The following WDR64 variants were observed in gnomAD, a reference collection of about 807,000 sequenced individuals.
WDR64 encodes WD repeat-containing protein 64.
WDR64 carries 112 observed loss-of-function variants against 139.3 expected under a neutral mutation model. That is an observed-to-expected ratio of 0.80 (90% CI 0.69 to 0.94). The LOEUF (loss-of-function observed/expected upper bound fraction) is 0.94. WDR64 is among the 40% of genes least tolerant of loss of function. The pLI is 0.00. For missense variants in WDR64, 1,206 were observed against 1,293.1 expected (o/e 0.93, Z 1.03); for synonymous variants, 444 against 437.7 (o/e 1.01, Z -0.18).
Position 241,652,610 on chromosome 1 carries a change from C to T in WDR64, c.126C>T (p.Gly42=), listed in dbSNP as rs760839116. Residue 42 remains glycine, a synonymous_variant, in exon 1 of 28, where the codon GGC becomes GGT. Coordinates refer to ENST00000437684, the MANE Select transcript of WDR64 (RefSeq NM_001367482.1). ...CCCAGAAAAGAGATGAAAGAGCAGG[C>T]TTATTTATCCATAAAGAAGGTAAGA... ...TAAQKRDERA[G]LFIHKEDAIG... 2.5e-5 allele frequency: 39 copies of T among 1,551,558 alleles called. No homozygotes were observed. In the South Asian group the frequency reaches 4.4e-4, roughly 18 times the overall value.
intron 10 of WDR64, among the ~76,000 whole-genome samples, chr1:241,726,369 A>G (rs1318519157): frequency 1.3e-5 from 2 of 152,090 alleles, no homozygotes; most frequent in African/African-American, 2.4e-5. Flanking sequence ...CAGGAGTTCA[A>G]GACCAGCCTG....
At chr1:241,750,751 A>G (rs563090021) in intron 14 of WDR64, among the ~76,000 whole-genome samples, 83 of 152,336 alleles carry the variant, frequency 5.4e-4, no homozygotes, top group South Asian at 8.3e-4. Flanking sequence ...TAGAACCTGC[A>G]GATTGATCTT....
chr1:241,687,588 GA>G lies in WDR64; in HGVS notation c.968del (p.Asp323ValfsTer25). 1 of 1,612,790 alleles carries G rather than the reference GA, an allele frequency of 6.2e-7. No individual in the cohort carries two copies. The highest frequency in any genetic ancestry group is 2.2e-5 in the East Asian group (1 of 44,812). ...LVLESLKRLE[D>X]NLPVREFSMP... ...TTTGGAATCCTTGAAGAGACTCGAG[GA>G]TAATTTGTAAGTATAGTAATTTATA... On this transcript the variant is annotated frameshift_variant, in exon 8 of 28. Coordinates refer to ENST00000437684, the MANE Select transcript of WDR64 (RefSeq NM_001367482.1). LOFTEE classifies it high-confidence loss of function.
chr1:241,687,414 GT>G (rs1431501775), intron 7 of WDR64, 46 bp from the exon 8 acceptor site: 1 of 1,602,226 alleles, frequency 6.2e-7, no homozygotes. Context: ...CATATTATAC[GT>G]TTGTGTGTCT....
intron 13 of WDR64, among the ~76,000 whole-genome samples, chr1:241,746,282 G>A (rs1466209093): frequency 3.3e-5 from 5 of 152,160 alleles, no homozygotes; most frequent in South Asian, 2.1e-4. Context: ...AAGGAGGAGA[G>A]GAAAAGACCT....
intron 3 of WDR64, among the ~76,000 whole-genome samples, chr1:241,671,826 C>G (rs1407316897): frequency 6.6e-6 from 1 of 152,118 alleles, no homozygotes; most frequent in Non-Finnish European, 1.5e-5. Flanking sequence ...CTCCTGTCTT[C>G]CAGCATTTCC....
At chr1:241,700,240 ATTC>A (rs904265783) in intron 8 of WDR64, among the ~76,000 whole-genome samples, 36 of 149,566 alleles carry the variant, frequency 2.4e-4, no homozygotes, top group African/African-American at 8.6e-4. Flanking sequence ...CCTCTCCTTT[ATTC>A]TTCTCATCCA....
intron 1 of WDR64, among the ~76,000 whole-genome samples, chr1:241,660,226 T>G (rs868014621): frequency 6.6e-6 from 1 of 152,310 alleles, no homozygotes; most frequent in South Asian, 2.1e-4. Flanking sequence ...TCGTTGTAGG[T>G]GTGCAGTCTT....
At chr1:241,738,520 C>T (rs1669413946) in intron 11 of WDR64, 31 bp downstream of exon 11, 1 of 1,580,904 alleles carries the variant, frequency 6.3e-7, no homozygotes, top group Admixed American at 1.8e-5. Context: ...TCAAACGAAA[C>T]TCATGTCTTG....
chr1:241,778,808 T>G (rs1658749935), intron 21 of WDR64, among the ~76,000 whole-genome samples: 1 of 152,208 alleles, frequency 6.6e-6, no homozygotes, highest in African/African-American at 2.4e-5. Context: ...GTCTCTCTTT[T>G]ATCTCCTGTA....
intron 11 of WDR64, among the ~76,000 whole-genome samples, chr1:241,740,314 C>T (rs1669487700): frequency 6.6e-6 from 1 of 152,200 alleles, no homozygotes; most frequent in South Asian, 2.1e-4. Context: ...CAGTTACTGT[C>T]ACTGTAATGA....
At chr1:241,714,448 T>C (rs1668322941) in intron 9 of WDR64, among the ~76,000 whole-genome samples, 1 of 152,194 alleles carries the variant, frequency 6.6e-6, no homozygotes, top group Non-Finnish European at 1.5e-5. Context: ...TTCAAATTTC[T>C]CACTCTCAAA....
intron 3 of WDR64, among the ~76,000 whole-genome samples, chr1:241,673,896 C>T (rs1245269349): frequency 6.6e-6 from 1 of 151,620 alleles, no homozygotes; most frequent in Non-Finnish European, 1.5e-5. Context: ...TATTGAAAAG[C>T]CTGAGATGGT....
intron 12 of WDR64, among the ~76,000 whole-genome samples, chr1:241,743,029 T>C (rs1669608534): frequency 6.6e-6 from 1 of 152,228 alleles, no homozygotes; most frequent in Non-Finnish European, 1.5e-5. Context: ...CTCTGACTTC[T>C]GTGATCGTTT....
chr1:241,709,304 T>C (rs1284894837), intron 8 of WDR64, among the ~76,000 whole-genome samples: 1 of 152,194 alleles, frequency 6.6e-6, no homozygotes, highest in South Asian at 2.1e-4. Flanking sequence ...TTCCTTCATA[T>C]TGAGAAATAT....
At chr1:241,799,202 CAAAAAAAAAAA>C in intron 27 of WDR64, among the ~76,000 whole-genome samples, 1 of 33,328 alleles carries the variant, frequency 3.0e-5, no homozygotes, top group East Asian at 8.7e-4. Context: ...TTTGTCTCTC[CAAAAAAAAAAA>C]AAAAAAAAAA....
At chr1:241,679,427 A>G in intron 5 of WDR64, 58 bp from the exon 6 acceptor site, 1 of 1,437,010 alleles carries the variant, frequency 7.0e-7, no homozygotes, top group Non-Finnish European at 9.6e-7. Flanking sequence ...TTTGGTGACC[A>G]TCACCAGGTC....
At chr1:241,673,719 C>T (rs1666335813) in intron 3 of WDR64, among the ~76,000 whole-genome samples, 1 of 152,092 alleles carries the variant, frequency 6.6e-6, no homozygotes, top group South Asian at 2.1e-4. Context: ...CCTTTCTTTC[C>T]TAAGAGTTTG....
intron 9 of WDR64, among the ~76,000 whole-genome samples, chr1:241,716,944 G>A (rs147368910): frequency 2.8e-3 from 423 of 152,174 alleles, no homozygotes; most frequent in African/African-American, 9.5e-3. Context: ...ATTCTTCTTC[G>A]TGTGATATAC....
Sources: allele counts gnomAD v4.1 joint callset (sites outside exome capture counted in the v4.1 genomes callset), GRCh38; gene constraint gnomAD v4.1.1; transcripts MANE v1.5; gene names NCBI Gene and HGNC (gene_info 2026-07-23, HGNC 2026-07-21).